Variants in SUSD1 observed in about 807,000 individuals in gnomAD.
SUSD1 encodes the protein sushi domain-containing protein 1.
Under a neutral mutation model 86.9 loss-of-function variants are expected in SUSD1, and 65 were observed. The ratio of observed to expected loss-of-function variants is 0.75; its 90% CI spans 0.61 to 0.92. The LOEUF is 0.92. SUSD1 is among the 40% of genes least tolerant of loss of function. The pLI, the probability that SUSD1 is intolerant of heterozygous loss-of-function variation, is 0.00. For missense variants in SUSD1, 850 were observed against 929.7 expected, an observed-to-expected ratio of 0.91 and a Z score of 1.11; for synonymous variants, 346 against 350.0, an observed-to-expected ratio of 0.99 and a Z score of 0.13.
At chr9:112,138,281 G>GTGTATACACATATAT (rs1491304710) in intron 5 of SUSD1, among the ~76,000 whole-genome samples, 1 of 47,238 alleles carries the variant, frequency 2.1e-5, no homozygotes, top group South Asian at 5.7e-4. Context: ...ATATATATAT[G>GTGTATACACATATAT]AAGTCCAGGA....
chr9:112,103,211 G>C lies in SUSD1; in HGVS notation c.1172-926C>G, dbSNP rs373344782. ...AATTATTTTAGTCAAGATCAGAATT[G>C]TCCACAGCATTTTCAATATCACTGA... On this transcript the variant is annotated intron_variant, in intron 8 of 16. Coordinates refer to ENST00000374270, the MANE Select transcript of SUSD1 (RefSeq NM_022486.5). 614 of 438,306 alleles carry C rather than the reference G, an allele frequency of 1.4e-3. 6 individuals are homozygous for C. Among genetic ancestry groups the C allele is most frequent in the South Asian group, 9.6e-3 (555 of 57,838 alleles). 27.2% of individuals were successfully genotyped at this position (438,306 alleles called of 1,614,324 possible).
Position 112,143,467 on chromosome 9 carries a change from C to T in SUSD1, c.526+4G>A. ...AGATGCCGCAATTTTTGGCAGAAAC[C>T]CACCTGTGCATGATGTGGCATCGGT... On this transcript the variant is annotated splice_donor_region_variant and intron_variant, in intron 4 of 16. Coordinates refer to ENST00000374270, the MANE Select transcript of SUSD1 (RefSeq NM_022486.5). The T allele has an allele frequency of 2.5e-6, 4 of 1,609,416 alleles. No homozygotes were observed. The highest frequency in any genetic ancestry group is 3.4e-6 in the Non-Finnish European group (4 of 1,178,636).
chr9:112,134,109 G>A (rs903449927), intron 5 of SUSD1, among the ~76,000 whole-genome samples: 2 of 152,208 alleles, frequency 1.3e-5, no homozygotes, highest in African/African-American at 2.4e-5. Flanking sequence ...CTTATATGCT[G>A]TCGGTGGGAA....
At chr9:112,069,140 G>A (rs1362050552) in intron 12 of SUSD1, among the ~76,000 whole-genome samples, 1 of 75,210 alleles carries the variant, frequency 1.3e-5, no homozygotes, top group Non-Finnish European at 2.9e-5. Flanking sequence ...GAGGAGAGAT[G>A]GGGGCCAAGG....
At chr9:112,052,863 A>G (rs1589579007) in intron 14 of SUSD1, among the ~76,000 whole-genome samples, 1 of 152,234 alleles carries the variant, frequency 6.6e-6, no homozygotes, top group East Asian at 1.9e-4. Context: ...AAGTCCCAGT[A>G]TATAATACTT....
intron 6 of SUSD1, among the ~76,000 whole-genome samples, chr9:112,115,870 TAA>T (rs1040233351): frequency 2.7e-5 from 4 of 146,468 alleles, no homozygotes; most frequent in African/African-American, 1.0e-4. Flanking sequence ...ATGGGTACCC[TAA>T]GAGACACAAT....
In SUSD1 at chr9:112,095,369, T is replaced by TTA. The variant is rs1212121136; in HGVS notation, c.1474+3100_1474+3101insTA. Among the ~76,000 whole-genome samples, 18 of 152,318 alleles carry TTA rather than the reference T, an allele frequency of 1.2e-4. No individual in the cohort carries two copies. The East Asian group carries it at 3.1e-3, about 26-fold the overall frequency. Reference sequence around the variant, plus strand: ...CAGGACCTGCTAAGTAAGAACGTTCTCAGAGGGACCTTGAACATTGCAGGC... The same window carrying TTA: ...CAGGACCTGCTAAGTAAGAACGTTCTTACAGAGGGACCTTGAACATTGCAGGC... On this transcript the variant is annotated intron_variant, in intron 10 of 16. Coordinates refer to ENST00000374270, the MANE Select transcript of SUSD1 (RefSeq NM_022486.5).
intron 15 of SUSD1, among the ~76,000 whole-genome samples, chr9:112,045,361 A>G (rs7854368): frequency 0.36 from 54,374 of 152,032 alleles, 13,244 homozygotes; most frequent in African/African-American, 0.69. Flanking sequence ...TGTGGACAGA[A>G]ATCCATATCA....
intron 2 of SUSD1, among the ~76,000 whole-genome samples, chr9:112,152,680 G>A (rs1280869527): frequency 6.7e-6 from 1 of 149,936 alleles, no homozygotes; most frequent in African/African-American, 2.5e-5. Context: ...AAAGTGCTGG[G>A]ATTAGATTGC....
intron 12 of SUSD1, among the ~76,000 whole-genome samples, chr9:112,069,845 G>A (rs1434813710): frequency 1.3e-5 from 2 of 152,044 alleles, no homozygotes; most frequent in African/African-American, 2.4e-5. Context: ...CCATCCCCCT[G>A]CTTGGTCCAG....
intron 15 of SUSD1, among the ~76,000 whole-genome samples, chr9:112,043,563 T>C (rs114632302): frequency 0.02 from 2,989 of 152,108 alleles, 104 homozygotes; most frequent in African/African-American, 0.068. Flanking sequence ...CAGTCTCCCA[T>C]ACAGTTGGCT....
chr9:112,070,299 G>A (rs1055134805), intron 12 of SUSD1, among the ~76,000 whole-genome samples: 12 of 152,110 alleles, frequency 7.9e-5, no homozygotes, highest in African/African-American at 1.4e-4. Flanking sequence ...GAGCCACCAC[G>A]CCCAGCCGCT....
chr9:112,076,518 C>T (rs1160077088), intron 12 of SUSD1, among the ~76,000 whole-genome samples: 1 of 151,912 alleles, frequency 6.6e-6, no homozygotes, highest in Non-Finnish European at 1.5e-5. Flanking sequence ...GATTTGGGGG[C>T]GAGGGCAGAG....
At chr9:112,165,816 AAAAGAAAGAAAGAAAGAG>A (rs1833760666) in intron 1 of SUSD1, among the ~76,000 whole-genome samples, 1 of 148,848 alleles carries the variant, frequency 6.7e-6, no homozygotes, top group Admixed American at 6.8e-5. Context: ...GAGAGAGAGA[AAAAGAAAGAAAGAAAGAG>A]AAAGAAAGAA....
In SUSD1 at chr9:112,134,346, A is replaced by T. The variant is rs191161602; in HGVS notation, c.706+7974T>A. 1.2e-3 allele frequency among the ~76,000 whole-genome samples: 176 copies of T among 152,348 alleles called. 1 individual carries two copies. In the South Asian group the frequency reaches 0.014, roughly 12 times the overall value. On this transcript the variant is annotated intron_variant, in intron 5 of 16. Transcript: ENST00000374270. ...CATCAGTGGTGGATTGGATAAAGAA[A>T]ATGTGATACATGTACACCATGGAAT... is the stretch of plus-strand genomic sequence containing the variant.
rs140394466 is a variant in SUSD1, at chr9:112,061,495, A to T, written c.1850+1442T>A. On this transcript the variant is annotated intron_variant, in intron 13 of 16. Coordinates refer to ENST00000374270, the MANE Select transcript of SUSD1 (RefSeq NM_022486.5). ...GTTTTGGAGGCGCTGGCCGGCATATAGCCACAAGGGTAAGCTGTCATTTGG... is the reference window on the plus strand; with the variant it reads ...GTTTTGGAGGCGCTGGCCGGCATATTGCCACAAGGGTAAGCTGTCATTTGG... Among the ~76,000 whole-genome samples the T allele has an allele frequency of 9.2e-5, 14 of 152,338 alleles. No individual in the cohort carries two copies. The East Asian group carries it at 2.5e-3, about 27-fold the overall frequency.
chr9:112,143,762 T>G, intron 3 of SUSD1, 139 bp from the exon 4 acceptor site: 1 of 833,020 alleles, frequency 1.2e-6, no homozygotes, highest in South Asian at 2.1e-5. Flanking sequence ...AATTGTATCA[T>G]ACATTTTATT....
chr9:112,085,793 T>C (rs1829950521), intron 10 of SUSD1, among the ~76,000 whole-genome samples: 3 of 152,102 alleles, frequency 2.0e-5, no homozygotes. Flanking sequence ...AAGATAATGG[T>C]GGCCCCTTAA....
Position 112,170,710 on chromosome 9 carries a change from TAG to T in SUSD1, c.103+4421_103+4422del, listed in dbSNP as rs1554778939. On this transcript the variant is annotated intron_variant, in intron 1 of 16. Coordinates refer to ENST00000374270, the MANE Select transcript of SUSD1 (RefSeq NM_022486.5). ...GCCAGATCATATATATATATATATA[TAG>T]AGAGAGAGAGAGAGAGAGAGAGAGC... Among the ~76,000 whole-genome samples, 170 of 113,814 alleles carry T rather than the reference TAG, an allele frequency of 1.5e-3. 1 individual carries two copies. The highest frequency in any genetic ancestry group is 5.8e-3 in the African/African-American group (153 of 26,322). The allele number at this position is 113,814 out of a possible 152,430, so 74.7% of individuals were successfully genotyped here.
Sources: allele counts gnomAD v4.1 joint callset (sites outside exome capture counted in the v4.1 genomes callset), GRCh38; gene constraint gnomAD v4.1.1; transcripts MANE v1.5; gene names NCBI Gene and HGNC (gene_info 2026-07-23, HGNC 2026-07-21).